Variants in CNOT1 observed in about 807,000 individuals in gnomAD.
CNOT1 encodes CCR4-NOT transcription complex subunit 1, also known as CCR4-associated factor 1.
Under a neutral mutation model 273.8 loss-of-function variants are expected in CNOT1, and 15 were observed. The ratio of observed to expected loss-of-function variants is 0.05; its 90% confidence interval spans 0.04 to 0.08. The LOEUF (loss-of-function observed/expected upper bound fraction) is 0.08. Among genes scored for constraint, CNOT1 ranks in the 10% least tolerant of loss-of-function variants. CNOT1 has a pLI of 1.00. For missense variants in CNOT1, 1,644 were observed against 2,912.2 expected (o/e 0.56, Z 10.02); for synonymous variants, 1,022 against 1,005.5 (o/e 1.02, Z -0.31).
At chr16:58,523,016 C>T (rs959167980) in intron 47 of CNOT1, 12 of 157,710 alleles carry the variant, frequency 7.6e-5, no homozygotes, top group Non-Finnish European at 1.4e-4. Context: ...GAGGCTGAGG[C>T]GGGTGGATCA....
At chr16:58,605,964 T>C (rs1013238118) in intron 1 of CNOT1, among the ~76,000 whole-genome samples, 3 of 152,036 alleles carry the variant, frequency 2.0e-5, no homozygotes, top group Non-Finnish European at 4.4e-5. Context: ...CCAAATTACC[T>C]TGTTTCCCTA....
intron 39 of CNOT1, among the ~76,000 whole-genome samples, chr16:58,535,515 A>C (rs11861131): frequency 1.3e-5 from 2 of 152,346 alleles, no homozygotes; most frequent in Non-Finnish European, 2.9e-5. Context: ...GGAAGGGCTG[A>C]GACAGGTGCC....
chr16:58,606,897 C>A lies in CNOT1; in HGVS notation c.-174-7386G>T, dbSNP rs560530450. ...CCAATTAAAATATAGTTTTGCCATA[C>A]ATAAACCACTACCTACTGCAGAGCT... On this transcript the variant is annotated intron_variant, in intron 1 of 48. Transcript: ENST00000317147. 6.1e-5 allele frequency among the ~76,000 whole-genome samples: 9 copies of A among 148,556 alleles called. No homozygotes were observed. The South Asian group carries it at 2.0e-3, about 32-fold the overall frequency.
At chr16:58,588,731 T>C (rs1487286432) in intron 3 of CNOT1, 68 bp downstream of exon 3, 24 of 1,565,300 alleles carry the variant, frequency 1.5e-5, no homozygotes, top group East Asian at 2.3e-5. Flanking sequence ...ATATGCTACA[T>C]ACACTATGCC....
At chr16:58,570,879 T>C (rs1465967154) in intron 16 of CNOT1, among the ~76,000 whole-genome samples, 2 of 149,260 alleles carry the variant, frequency 1.3e-5, no homozygotes, top group Middle Eastern at 3.2e-3. Flanking sequence ...CTACAAAATA[T>C]CTATTTAACA....
Position 58,558,658 on chromosome 16 carries a change from C to T in CNOT1, c.2147G>A (p.Gly716Glu). ...ISPVQIDPLA[G>E]MTSLSIGGSA... Reference sequence around the variant, plus strand: ...ACCACCTATACTAAGAGATGTCATTCCAGCAAGAGGGTCAATCTAAAGAAA... The same window carrying T: ...ACCACCTATACTAAGAGATGTCATTTCAGCAAGAGGGTCAATCTAAAGAAA... Residue 716 changes from glycine to glutamate, a missense_variant, in exon 18 of 49, where the codon GGA (glycine) becomes GAA (glutamate). Coordinates refer to ENST00000317147, the MANE Select transcript of CNOT1 (RefSeq NM_016284.5). 1 of 1,613,678 alleles carries T rather than the reference C, an allele frequency of 6.2e-7. No homozygotes were observed. Among genetic ancestry groups the T allele is most frequent in the African/African-American group, 1.3e-5 (1 of 74,972 alleles).
intron 7 of CNOT1, 138 bp from the exon 8 acceptor site, chr16:58,585,644 A>C: frequency 2.9e-6 from 4 of 1,393,968 alleles, no homozygotes; most frequent in Non-Finnish European, 3.8e-6. Context: ...TTTCCAGCCT[A>C]CTAGCCGAAG....
At chr16:58,611,769 C>T (rs1214907120) in intron 1 of CNOT1, among the ~76,000 whole-genome samples, 3 of 150,716 alleles carry the variant, frequency 2.0e-5, no homozygotes, top group Non-Finnish European at 2.9e-5. Context: ...TGCAGTGAGC[C>T]GAGATCACGC....
intron 2 of CNOT1, among the ~76,000 whole-genome samples, chr16:58,590,574 G>A (rs1447047780): frequency 1.3e-5 from 2 of 151,980 alleles, no homozygotes; most frequent in Non-Finnish European, 2.9e-5. Context: ...CATCCTGGAT[G>A]AGGGAGTGAG....
chr16:58,521,900 G>A (rs932770448), intron 47 of CNOT1, among the ~76,000 whole-genome samples: 3 of 152,116 alleles, frequency 2.0e-5, no homozygotes, highest in Non-Finnish European at 2.9e-5. Flanking sequence ...GTGGTGAGCC[G>A]AGATGGTGCC....
chr16:58,560,988 G>C (rs1022720029), intron 16 of CNOT1, among the ~76,000 whole-genome samples: 2 of 152,260 alleles, frequency 1.3e-5, no homozygotes, highest in Admixed American at 1.3e-4. Flanking sequence ...TCGCGCCACT[G>C]CACTCCAGTC....
At chr16:58,543,169 C>A in intron 31 of CNOT1, 14 of 1,421,122 alleles carry the variant, frequency 9.9e-6, no homozygotes, top group South Asian at 8.3e-5. Context: ...ATCATGATAC[C>A]TGAATTATTA....
At chr16:58,535,417 A>AT (rs1473040468) in intron 39 of CNOT1, among the ~76,000 whole-genome samples, 6 of 152,218 alleles carry the variant, frequency 3.9e-5, no homozygotes, top group Non-Finnish European at 8.8e-5. Flanking sequence ...GAAGGAAAGA[A>AT]TTTTCAAAAG....
chr16:58,532,838 C>G, intron 40 of CNOT1: 1 of 159,228 alleles, frequency 6.3e-6, no homozygotes, highest in East Asian at 1.8e-4. Flanking sequence ...TTGACTTGCC[C>G]ACTGAACAGT....
At chr16:58,600,682 G>A (rs1341319423) in intron 1 of CNOT1, among the ~76,000 whole-genome samples, 1 of 152,208 alleles carries the variant, frequency 6.6e-6, no homozygotes, top group Non-Finnish European at 1.5e-5. Context: ...CTGCATTGCT[G>A]AAACTGTTCC....
intron 18 of CNOT1, among the ~76,000 whole-genome samples, chr16:58,557,232 A>G (rs1043161387): frequency 6.6e-6 from 1 of 152,206 alleles, no homozygotes; most frequent in African/African-American, 2.4e-5. Context: ...TATATTCTTG[A>G]TAATGTGCAA....
chr16:58,536,955 GAAT>G, intron 39 of CNOT1, 31 bp downstream of exon 39: 1 of 1,609,594 alleles, frequency 6.2e-7, no homozygotes, highest in Non-Finnish European at 8.5e-7. Flanking sequence ...TACTTATGTT[GAAT>G]AAAAAGCACC....
At chr16:58,575,216 C>T in intron 14 of CNOT1, 87 bp from the exon 15 acceptor site, 3 of 1,538,694 alleles carry the variant, frequency 1.9e-6, no homozygotes, top group Non-Finnish European at 1.7e-6. Flanking sequence ...TTTCCACAAA[C>T]AAGTTCAAAT....
intron 42 of CNOT1, 146 bp from the exon 43 acceptor site, chr16:58,530,493 G>C (rs1188502577): frequency 3.9e-6 from 2 of 516,354 alleles, no homozygotes; most frequent in Non-Finnish European, 6.5e-6. Context: ...CAAAAGATCG[G>C]CATTAAAGGC....
Sources: allele counts gnomAD v4.1 joint callset (sites outside exome capture counted in the v4.1 genomes callset), GRCh38; gene constraint gnomAD v4.1.1; transcripts MANE v1.5; gene names NCBI Gene and HGNC (gene_info 2026-07-23, HGNC 2026-07-21).